CDH12: variants seen among roughly 807,000 people sequenced by gnomAD.
CDH12 encodes the protein cadherin-12.
A neutral mutation model predicts 74.1 loss-of-function variants in CDH12; 41 were observed. The ratio of observed to expected loss-of-function variants is 0.55; its 90% CI spans 0.43 to 0.72. The LOEUF (loss-of-function observed/expected upper bound fraction) is 0.72. Ranked by LOEUF, CDH12 falls within the 30% of genes least tolerant of loss-of-function variation. The pLI, the probability that CDH12 is intolerant of heterozygous loss-of-function variation, is 0.00. For missense variants in CDH12, 945 were observed against 977.2 expected (o/e 0.97, Z 0.44); for synonymous variants, 399 against 355.0 (o/e 1.12, Z -1.39).
At chr5:21,854,898 T>C (rs1315194342) in intron 6 of CDH12, 108 bp from the exon 7 acceptor site, 3 of 926,524 alleles carry the variant, frequency 3.2e-6, no homozygotes. Context: ...CTACGTCAAG[T>C]ACACCATGAG....
At chr5:22,790,358 G>T (rs903394793) in intron 1 of CDH12, among the ~76,000 whole-genome samples, 1 of 152,074 alleles carries the variant, frequency 6.6e-6, no homozygotes, top group Non-Finnish European at 1.5e-5. Flanking sequence ...TGAGAAGAAA[G>T]CTAGTACAAA....
At chr5:22,783,212 G>A (rs1304375962) in intron 1 of CDH12, among the ~76,000 whole-genome samples, 2 of 151,964 alleles carry the variant, frequency 1.3e-5, no homozygotes, top group East Asian at 1.9e-4. Context: ...AAATATGCAC[G>A]TGCCACTTTA....
At chr5:22,368,279 T>A (rs1375814254) in intron 3 of CDH12, among the ~76,000 whole-genome samples, 2 of 151,974 alleles carry the variant, frequency 1.3e-5, no homozygotes, top group African/African-American at 4.8e-5. Context: ...TGTATTAATA[T>A]TTTTATTGAT....
At chr5:22,257,711 G>A (rs1264290773) in intron 3 of CDH12, among the ~76,000 whole-genome samples, 4 of 151,984 alleles carry the variant, frequency 2.6e-5, no homozygotes, top group Non-Finnish European at 5.9e-5. Flanking sequence ...ATGTTAGCCA[G>A]CATGGTCTTG....
intron 3 of CDH12, among the ~76,000 whole-genome samples, chr5:22,306,550 T>C (rs1439240980): frequency 6.6e-6 from 1 of 152,158 alleles, no homozygotes; most frequent in Non-Finnish European, 1.5e-5. Flanking sequence ...TTTTCTGAGT[T>C]TTTTTAACCT....
At chr5:22,357,117 T>TA (rs35594151) in intron 3 of CDH12, among the ~76,000 whole-genome samples, 4 of 152,134 alleles carry the variant, frequency 2.6e-5, no homozygotes, top group Admixed American at 2.6e-4. Context: ...TTTCTGCCAC[T>TA]AAAAAGGAGA....
At chr5:22,103,670 T>C (rs1561114193) in intron 4 of CDH12, among the ~76,000 whole-genome samples, 2 of 152,228 alleles carry the variant, frequency 1.3e-5, no homozygotes. Flanking sequence ...AAGAAATGTG[T>C]GTAATTCTAG....
At chr5:22,812,178 G>T (rs1749181056) in intron 1 of CDH12, among the ~76,000 whole-genome samples, 2 of 152,064 alleles carry the variant, frequency 1.3e-5, no homozygotes, top group South Asian at 4.1e-4. Flanking sequence ...TATGTTTTAG[G>T]TGCTTTCAAG....
intron 3 of CDH12, among the ~76,000 whole-genome samples, chr5:22,389,806 C>G (rs1326299480): frequency 6.7e-6 from 1 of 148,666 alleles, no homozygotes; most frequent in African/African-American, 2.4e-5. Context: ...CACCACCACG[C>G]CCGGCTAATT....
intron 1 of CDH12, among the ~76,000 whole-genome samples, chr5:22,653,841 C>T (rs376246709): frequency 1.3e-5 from 2 of 152,320 alleles, no homozygotes; most frequent in East Asian, 3.9e-4. Flanking sequence ...CCATTTTACA[C>T]ATGGTATTTC....
intron 5 of CDH12, among the ~76,000 whole-genome samples, chr5:22,026,834 T>C (rs959636957): frequency 1.6e-4 from 25 of 152,160 alleles, no homozygotes; most frequent in Admixed American, 1.6e-3. Context: ...TTCAAATTCT[T>C]TGGTGCAGCA....
At chr5:21,825,713 C>T (rs1199662852) in intron 8 of CDH12, among the ~76,000 whole-genome samples, 1 of 152,128 alleles carries the variant, frequency 6.6e-6, no homozygotes, top group African/African-American at 2.4e-5. Flanking sequence ...CCACTAAAAT[C>T]CAGTGGCAAT....
chr5:21,841,500 A>G (rs1377541902), intron 8 of CDH12, among the ~76,000 whole-genome samples: 1 of 149,534 alleles, frequency 6.7e-6, no homozygotes, highest in Admixed American at 6.7e-5. Flanking sequence ...CAGCCATCCC[A>G]TTACTGGGTA....
intron 6 of CDH12, among the ~76,000 whole-genome samples, chr5:21,923,493 T>C (rs1473005703): frequency 6.6e-6 from 1 of 152,172 alleles, no homozygotes; most frequent in African/African-American, 2.4e-5. Flanking sequence ...CTAGTATACC[T>C]TGCTTTGTTT....
At chr5:22,746,170 A>G (rs1209916809) in intron 1 of CDH12, among the ~76,000 whole-genome samples, 1 of 152,166 alleles carries the variant, frequency 6.6e-6, no homozygotes, top group East Asian at 1.9e-4. Flanking sequence ...GTATATATAG[A>G]AGTTGTATCT....
At chr5:22,245,093 AG>A (rs1752901961) in intron 3 of CDH12, among the ~76,000 whole-genome samples, 1 of 152,212 alleles carries the variant, frequency 6.6e-6, no homozygotes, top group Non-Finnish European at 1.5e-5. Flanking sequence ...GAAACCCAGC[AG>A]GAGCAATTTC....
intron 3 of CDH12, among the ~76,000 whole-genome samples, chr5:22,306,542 T>C (rs917379558): frequency 6.6e-6 from 1 of 152,160 alleles, no homozygotes; most frequent in Non-Finnish European, 1.5e-5. Flanking sequence ...TACTTTACTT[T>C]TCTGAGTTTT....
chr5:22,414,046 T>C lies in CDH12; in HGVS notation c.-427-8695A>G, dbSNP rs567434977. Among the ~76,000 whole-genome samples the C allele has an allele frequency of 5.9e-5, 9 of 152,182 alleles. No homozygotes were observed. In the South Asian group the frequency reaches 1.9e-3, roughly 32 times the overall value. The stretch of plus-strand genomic sequence containing the variant: ...AAATAATTTTTAATCAGATAATTTA[T>C]GTTTATAATTTGTGTGAGTACATAA... On this transcript the variant is annotated intron_variant, in intron 2 of 14. Coordinates refer to ENST00000382254, the MANE Select transcript of CDH12 (RefSeq NM_004061.5).
intron 5 of CDH12, among the ~76,000 whole-genome samples, chr5:22,022,142 T>C (rs1337081151): frequency 1.3e-5 from 2 of 152,200 alleles, no homozygotes; most frequent in African/African-American, 4.8e-5. Context: ...AGCCCCACTA[T>C]TGACTTTAGA....
Sources: gnomAD v4.1 joint callset for allele counts (sites outside exome capture counted in the v4.1 genomes callset) on GRCh38, gnomAD v4.1.1 for gene constraint, MANE v1.5 for transcripts, NCBI Gene and HGNC (gene_info 2026-07-23, HGNC 2026-07-21) for gene names.